The following TIAM2 variants were observed in gnomAD, a reference collection of about 807,000 sequenced individuals.
The protein encoded by TIAM2 is rho guanine nucleotide exchange factor TIAM2.
A neutral mutation model predicts 152.9 loss-of-function variants in TIAM2; 80 were observed. That is an observed-to-expected ratio of 0.52 (90% CI 0.44 to 0.63). TIAM2 has a LOEUF of 0.63. Ranked by LOEUF, TIAM2 falls within the 30% of genes least tolerant of loss-of-function variation. The pLI is 0.00. For missense variants in TIAM2, 1,965 were observed against 2,120.1 expected (o/e 0.93, Z 1.44); for synonymous variants, 804 against 838.0 (o/e 0.96, Z 0.70).
intron 7 of TIAM2, among the ~76,000 whole-genome samples, chr6:155,162,727 G>A (rs1448993322): frequency 6.6e-6 from 1 of 152,162 alleles, no homozygotes; most frequent in Non-Finnish European, 1.5e-5. Context: ...TAGGACCTGG[G>A]CATCTGCATT....
intron 7 of TIAM2, among the ~76,000 whole-genome samples, chr6:155,162,460 G>T (rs1780296490): frequency 6.6e-6 from 1 of 152,224 alleles, no homozygotes; most frequent in African/African-American, 2.4e-5. Flanking sequence ...GAGAGAAGAT[G>T]TTTGGGAAAC....
intron 2 of TIAM2, among the ~76,000 whole-genome samples, chr6:155,102,809 G>GTGTA (rs1491037926): frequency 1.6e-5 from 2 of 127,402 alleles, no homozygotes; most frequent in Non-Finnish European, 3.4e-5. Context: ...GTGTGTGTGT[G>GTGTA]TATACATATA....
At chr6:155,155,632 A>C (rs764920834) in intron 7 of TIAM2, among the ~76,000 whole-genome samples, 1 of 151,668 alleles carries the variant, frequency 6.6e-6, no homozygotes, top group Admixed American at 6.6e-5. Flanking sequence ...ACGCCACCAC[A>C]CCCGGCAAAT....
At chr6:155,046,947 G>T (rs1435386049) in intron 1 of TIAM2, among the ~76,000 whole-genome samples, 1 of 152,178 alleles carries the variant, frequency 6.6e-6, no homozygotes, top group Non-Finnish European at 1.5e-5. Context: ...ATACATCTAT[G>T]GAGATGCCTT....
chr6:155,090,150 T>TGATTTCTCTTTCAGATTCTTCCTTC, intron 1 of TIAM2, 139 bp from the exon 2 acceptor site: 1 of 152,254 alleles, frequency 6.6e-6, no homozygotes, highest in East Asian at 1.9e-4. Context: ...ACTTAACTCT[T>TGATTTCTCTTTCAGATTCTTCCTTC]GATTTCTCTT....
chr6:155,170,118 G>C (rs1422460671), intron 9 of TIAM2, among the ~76,000 whole-genome samples: 1 of 152,142 alleles, frequency 6.6e-6, no homozygotes, highest in Non-Finnish European at 1.5e-5. Context: ...CACCCAGCCA[G>C]TTCTTACTCT....
At chr6:155,187,154 G>A (rs1360755613) in intron 14 of TIAM2, among the ~76,000 whole-genome samples, 1 of 152,070 alleles carries the variant, frequency 6.6e-6, no homozygotes, top group African/African-American at 2.4e-5. Flanking sequence ...AATGTGTGGG[G>A]GACCCTGGGA....
chr6:155,254,555 C>T lies in TIAM2; in HGVS notation c.4450C>T (p.Pro1484Ser). 1 of 1,611,616 alleles carries T rather than the reference C, an allele frequency of 6.2e-7. No individual in the cohort carries two copies. The highest frequency in any genetic ancestry group is 2.2e-5 in the East Asian group (1 of 44,810). Reference protein sequence around the residue: ...DRLVPLKNRVPVSAKLASSRS... With the variant: ...DRLVPLKNRVSVSAKLASSRS... The stretch of plus-strand genomic sequence containing the variant: ...CCTGGTACCTCTTAAGAACCGAGTT[C>T]CTGTTTCGGCCAAATTAGGTGAGAA... Residue 1484 changes from proline (P) to serine (S), a missense_variant, in exon 26 of 27, where the codon CCT (proline) becomes TCT (serine). Coordinates refer to ENST00000682666, the MANE Select transcript of TIAM2 (RefSeq NM_012454.4).
intron 9 of TIAM2, among the ~76,000 whole-genome samples, chr6:155,172,661 TATATATATATATATATATATATA>T (rs1233414042): frequency 0.01 from 87 of 8,288 alleles, 3 homozygotes; most frequent in African/African-American, 0.028. Flanking sequence ...TATATATATA[TATATATATATATATATATATATA>T]TATTTTTTTT....
At chr6:155,057,784 G>A (rs1427409270) in intron 1 of TIAM2, among the ~76,000 whole-genome samples, 1 of 151,780 alleles carries the variant, frequency 6.6e-6, no homozygotes, top group Non-Finnish European at 1.5e-5. Flanking sequence ...GGCCTCAGGT[G>A]ATCCACCTGC....
chr6:155,038,952 C>CCTTTTTTTT, intron 1 of TIAM2, among the ~76,000 whole-genome samples: 1 of 96,520 alleles, frequency 1.0e-5, no homozygotes. Context: ...GTGAGCATGT[C>CCTTTTTTTT]CTTTTTTTTT....
chr6:155,199,818 G>C (rs867181514), intron 14 of TIAM2, among the ~76,000 whole-genome samples: 2 of 152,190 alleles, frequency 1.3e-5, no homozygotes, highest in African/African-American at 4.8e-5. Context: ...ATAATAGCAG[G>C]CTGTCTCAAT....
At position 155,211,308 on chromosome 6, in the gene TIAM2, G is replaced by T; in HGVS notation, c.3168+1G>T. 1 of 1,612,518 alleles carries T rather than the reference G, an allele frequency of 6.2e-7. No homozygotes were observed. Among genetic ancestry groups the T allele is most frequent in the Non-Finnish European group, 8.5e-7 (1 of 1,178,796 alleles). The stretch of plus-strand genomic sequence containing the variant: ...GGAGAAAATGGAGCAGACATTCAGG[G>T]TAAGATACTGGCCCAAATCGCAAAC... On this transcript the variant is annotated splice_donor_variant, in intron 15 of 26. Coordinates refer to ENST00000682666, the MANE Select transcript of TIAM2 (RefSeq NM_012454.4). LOFTEE classifies it high-confidence loss of function.
At chr6:155,204,167 C>T (rs1781543613) in intron 14 of TIAM2, among the ~76,000 whole-genome samples, 1 of 152,104 alleles carries the variant, frequency 6.6e-6, no homozygotes, top group Non-Finnish European at 1.5e-5. Flanking sequence ...TAGGAATTAC[C>T]TCGATTTTAC....
intron 9 of TIAM2, among the ~76,000 whole-genome samples, chr6:155,167,570 G>T (rs963757294): frequency 5.0e-4 from 76 of 152,176 alleles, no homozygotes; most frequent in African/African-American, 1.8e-3. Context: ...TTTGTTGGTT[G>T]TAATGGAAAT....
At chr6:155,231,060 TCA>T (rs1300611633) in intron 15 of TIAM2, among the ~76,000 whole-genome samples, 1 of 152,026 alleles carries the variant, frequency 6.6e-6, no homozygotes, top group Non-Finnish European at 1.5e-5. Flanking sequence ...CAGGCTGGTC[TCA>T]GACTCCTGAC....
chr6:155,003,699 G>A lies in TIAM2; in HGVS notation c.-209+8207G>A, dbSNP rs1019477395. Among the ~76,000 whole-genome samples the A allele has an allele frequency of 5.3e-5, 8 of 152,272 alleles. No individual in the cohort carries two copies. In the East Asian group the frequency reaches 1.4e-3, roughly 26 times the overall value. Reference sequence around the variant, plus strand: ...ACACTGCCTTATCTCTCCCCCTCTAGCCAGGAATCGGTTGTGTGTTTCCTC... The same window carrying A: ...ACACTGCCTTATCTCTCCCCCTCTAACCAGGAATCGGTTGTGTGTTTCCTC... On this transcript the variant is annotated intron_variant, in intron 1 of 26. Coordinates refer to ENST00000682666, the MANE Select transcript of TIAM2 (RefSeq NM_012454.4).
At chr6:155,202,754 C>T (rs1320078310) in intron 14 of TIAM2, among the ~76,000 whole-genome samples, 1 of 151,658 alleles carries the variant, frequency 6.6e-6, no homozygotes, top group Non-Finnish European at 1.5e-5. Context: ...AGGAGAGATT[C>T]TGGCTGGGTG....
At chr6:155,246,480 AAATTT>A (rs576240727) in intron 19 of TIAM2, among the ~76,000 whole-genome samples, 102 of 152,242 alleles carry the variant, frequency 6.7e-4, no homozygotes, top group African/African-American at 2.4e-3. Flanking sequence ...CTTTTTAATT[AAATTT>A]AATTAATTAA....
Sources: allele counts gnomAD v4.1 joint callset (sites outside exome capture counted in the v4.1 genomes callset), GRCh38; gene constraint gnomAD v4.1.1; transcripts MANE v1.5; gene names NCBI Gene and HGNC (gene_info 2026-07-23, HGNC 2026-07-21).